Variants in IL1RAPL1 observed in about 807,000 individuals in gnomAD.
IL1RAPL1 encodes the protein interleukin 1 receptor accessory protein like 1.
A neutral mutation model predicts 48.4 loss-of-function variants in IL1RAPL1; 3 were observed. The ratio of observed to expected loss-of-function variants is 0.06; its 90% CI spans 0.03 to 0.16. The LOEUF is 0.16. Ranked by LOEUF, IL1RAPL1 falls within the 10% of genes least tolerant of loss-of-function variation. The pLI, the probability that IL1RAPL1 is intolerant of heterozygous loss-of-function variation, is 1.00. For synonymous variants in IL1RAPL1, 185 were observed against 187.7 expected (o/e 0.99, Z 0.12); for missense variants, 349 against 530.6 (o/e 0.66, Z 3.36).
chrX:28,650,924 C>A (rs1212260440), intron 1 of IL1RAPL1, among the ~76,000 whole-genome samples: 1 of 111,901 alleles, frequency 8.9e-6, no homozygotes, highest in African/African-American at 3.2e-5. Flanking sequence ...CATTCCTAAT[C>A]TGAAAATCCA....
rs1281865957 is a variant in IL1RAPL1 at position 29,098,406 on chromosome X, T to C, written c.83-184532T>C. On this transcript the variant is annotated intron_variant, in intron 2 of 10. Transcript: ENST00000378993. ...CTCCATGGTTACCCTGTTCACCTTT[T>C]GTGTCAATTCATCATTTTACAATTA... is the stretch of plus-strand genomic sequence containing the variant. 1.4e-3 allele frequency among the ~76,000 whole-genome samples: 155 copies of C among 112,503 alleles called. 3 individuals carry two copies. The Admixed American group carries it at 0.015, about 11-fold the overall frequency.
intron 2 of IL1RAPL1, among the ~76,000 whole-genome samples, chrX:28,980,666 C>A (rs1446213523): frequency 1.8e-5 from 2 of 111,268 alleles, no homozygotes; most frequent in Admixed American, 9.6e-5. Context: ...AGGTTGAGGA[C>A]AAATGCATAT....
intron 1 of IL1RAPL1, among the ~76,000 whole-genome samples, chrX:28,610,493 T>C (rs1334386063): frequency 3.6e-5 from 4 of 112,552 alleles, no homozygotes; most frequent in African/African-American, 1.3e-4. Flanking sequence ...TGGAAGTAAA[T>C]CCATGCAGAA....
chrX:28,864,431 T>C (rs898530380), intron 2 of IL1RAPL1, among the ~76,000 whole-genome samples: 1 of 112,232 alleles, frequency 8.9e-6, no homozygotes, highest in Non-Finnish European at 1.9e-5. Flanking sequence ...AAATGAGTTT[T>C]TAAAACTTGG....
chrX:29,394,582 C>A (rs1034772485), intron 3 of IL1RAPL1, among the ~76,000 whole-genome samples: 1 of 111,963 alleles, frequency 8.9e-6, no homozygotes, highest in Non-Finnish European at 1.9e-5. Context: ...TTTATGGAGC[C>A]TTCTTGTTTC....
intron 2 of IL1RAPL1, among the ~76,000 whole-genome samples, chrX:29,074,072 ACAGTATAT>A (rs1927621443): frequency 8.9e-6 from 1 of 112,086 alleles, no homozygotes; most frequent in East Asian, 2.8e-4. Flanking sequence ...AATGCTGAAC[ACAGTATAT>A]CATGTTATCC....
At chrX:29,594,954 G>C in intron 5 of IL1RAPL1, among the ~76,000 whole-genome samples, 1 of 111,362 alleles carries the variant, frequency 9.0e-6, no homozygotes, top group South Asian at 3.8e-4. Context: ...TTATAGCTTA[G>C]CTCCAACTTA....
chrX:29,923,077 C>T (rs1932859019), intron 8 of IL1RAPL1, among the ~76,000 whole-genome samples: 1 of 111,883 alleles, frequency 8.9e-6, no homozygotes, highest in African/African-American at 3.2e-5. Flanking sequence ...AAAATGATTT[C>T]AGAGCCCTCC....
chrX:28,871,729 G>A (rs924749554), intron 2 of IL1RAPL1, among the ~76,000 whole-genome samples: 1 of 111,532 alleles, frequency 9.0e-6, no homozygotes, highest in Non-Finnish European at 1.9e-5. Context: ...GCATTTCCAG[G>A]TGATTCTCAC....
intron 1 of IL1RAPL1, among the ~76,000 whole-genome samples, chrX:28,677,970 CCTT>C (rs1390665856): frequency 9.0e-6 from 1 of 111,109 alleles, no homozygotes; most frequent in Non-Finnish European, 1.9e-5. Flanking sequence ...TTTTCCTCCT[CCTT>C]CCATTTTTTT....
chrX:29,870,248 T>G (rs1471127618), intron 6 of IL1RAPL1, among the ~76,000 whole-genome samples: 2 of 112,236 alleles, frequency 1.8e-5, no homozygotes, highest in African/African-American at 3.2e-5. Context: ...ATGATTATCT[T>G]TAGTTTCTGC....
intron 5 of IL1RAPL1, among the ~76,000 whole-genome samples, chrX:29,431,628 C>A (rs773931270): frequency 9.0e-6 from 1 of 111,606 alleles, no homozygotes; most frequent in South Asian, 3.7e-4. Flanking sequence ...TTATAATTCA[C>A]AAATGTAATG....
intron 5 of IL1RAPL1, among the ~76,000 whole-genome samples, chrX:29,553,094 T>G (rs1921873651): frequency 9.0e-6 from 1 of 111,667 alleles, no homozygotes; most frequent in African/African-American, 3.3e-5. Context: ...ATCAATGTCA[T>G]ACCTGAGTCT....
At chrX:29,151,945 A>G (rs1332431651) in intron 2 of IL1RAPL1, among the ~76,000 whole-genome samples, 4 of 111,874 alleles carry the variant, frequency 3.6e-5, no homozygotes. Flanking sequence ...TTCTAAATTA[A>G]TCTTCTTAGT....
chrX:28,618,930 T>C (rs1934252009), intron 1 of IL1RAPL1, among the ~76,000 whole-genome samples: 1 of 111,480 alleles, frequency 9.0e-6, no homozygotes, highest in Non-Finnish European at 1.9e-5. Context: ...AATGTAATCC[T>C]GCTGGCTGCA....
At chrX:28,639,799 AG>A (rs1379374334) in intron 1 of IL1RAPL1, among the ~76,000 whole-genome samples, 2 of 112,200 alleles carry the variant, frequency 1.8e-5, no homozygotes, top group Non-Finnish European at 3.8e-5. Context: ...CTCAAGACAT[AG>A]GAACTGTCTT....
chrX:28,662,010 T>G (rs1934828027), intron 1 of IL1RAPL1, among the ~76,000 whole-genome samples: 1 of 111,471 alleles, frequency 9.0e-6, no homozygotes, highest in Non-Finnish European at 1.9e-5. Context: ...GCTGGAACAC[T>G]GATGATCAAG....
chrX:29,728,957 C>T (rs909839279), intron 6 of IL1RAPL1, among the ~76,000 whole-genome samples: 18 of 111,722 alleles, frequency 1.6e-4, no homozygotes, highest in African/African-American at 5.9e-4. Flanking sequence ...TTCCTCCCAA[C>T]ATGGCTGCCT....
chrX:29,274,363 AAT>A (rs758534388), intron 2 of IL1RAPL1, among the ~76,000 whole-genome samples: 2 of 111,678 alleles, frequency 1.8e-5, no homozygotes, highest in South Asian at 7.3e-4. Flanking sequence ...CTCTGATAAA[AAT>A]AGACTTGGCA....
Sources: allele counts gnomAD v4.1 joint callset (sites outside exome capture counted in the v4.1 genomes callset), GRCh38; gene constraint gnomAD v4.1.1; transcripts MANE v1.5; gene names NCBI Gene and HGNC (gene_info 2026-07-23, HGNC 2026-07-21).